The following FLNB variants were observed in gnomAD, a reference collection of about 807,000 sequenced individuals.
The protein encoded by FLNB is filamin B.
A neutral mutation model predicts 250.6 loss-of-function variants in FLNB; 111 were observed. The ratio of observed to expected loss-of-function variants is 0.44; its 90% CI spans 0.38 to 0.52. FLNB has a LOEUF of 0.52. FLNB is among the 20% of genes least tolerant of loss of function. The pLI is 0.00. For synonymous variants in FLNB, 1,302 were observed against 1,372.1 expected (o/e 0.95, Z 1.13); for missense variants, 2,869 against 3,447.8 (o/e 0.83, Z 4.20).
At chr3:58,121,049 A>G (rs940243315) in intron 19 of FLNB, among the ~76,000 whole-genome samples, 192 bp from the exon 20 acceptor site, 2 of 152,202 alleles carry the variant, frequency 1.3e-5, no homozygotes, top group Non-Finnish European at 2.9e-5. Flanking sequence ...TTGTGCCGAC[A>G]CTTGTTGTTA....
intron 29 of FLNB, among the ~76,000 whole-genome samples, chr3:58,140,368 G>C (rs1374117359): frequency 6.6e-6 from 1 of 152,192 alleles, no homozygotes; most frequent in Non-Finnish European, 1.5e-5. Flanking sequence ...TCTTCCTTCT[G>C]ACTGATATGT....
At chr3:58,130,956 G>A (rs1196818281) in intron 25 of FLNB, 48 bp downstream of exon 25, 6 of 1,573,472 alleles carry the variant, frequency 3.8e-6, no homozygotes, top group Non-Finnish European at 5.2e-6. Context: ...GCCCCAGGCA[G>A]GGGCAGCTGT....
At chr3:58,148,160 G>C (rs893093667) in intron 34 of FLNB, 46 bp from the exon 35 acceptor site, 2 of 1,606,040 alleles carry the variant, frequency 1.2e-6, no homozygotes, top group African/African-American at 1.3e-5. Flanking sequence ...TGTGAAGCCA[G>C]GGTAACCACA....
chr3:58,162,887 A>G (rs943577253), intron 42 of FLNB: 29 of 461,496 alleles, frequency 6.3e-5, no homozygotes, highest in African/African-American at 5.3e-4. Flanking sequence ...GGTTTTCTAA[A>G]GAAAGGAAGT....
At chr3:58,086,760 G>C in intron 4 of FLNB, among the ~76,000 whole-genome samples, 1 of 152,138 alleles carries the variant, frequency 6.6e-6, no homozygotes, top group Non-Finnish European at 1.5e-5. Flanking sequence ...AGACTTAAGA[G>C]ACTTAGCAAC....
At chr3:58,057,312 A>C (rs2106867011) in intron 1 of FLNB, among the ~76,000 whole-genome samples, 1 of 152,330 alleles carries the variant, frequency 6.6e-6, no homozygotes, top group South Asian at 2.1e-4. Flanking sequence ...GTTAGTAATT[A>C]GTGAAGATGA....
Position 58,142,858 on chromosome 3 carries a change from AC to A in FLNB, c.5284+109del. ...CTGTCCCCCAGACCCAGGCTCCTTA[AC>A]CCAGGGTCACGAGTTCTTGGTCTCC... On this transcript the variant is annotated intron_variant, in intron 31 of 45. Transcript: ENST00000295956. This position sits in a 1 kb window ranked among gnomAD's most constrained non-coding sequence, Gnocchi z 4.3. 1.1e-6 allele frequency: 1 copy of A among 941,970 alleles called. No individual in the cohort carries two copies. The highest frequency in any genetic ancestry group is 1.6e-5 in the African/African-American group (1 of 62,134). The allele number at this position is 941,970 out of a possible 1,614,324, so 58.4% of individuals were successfully genotyped here.
chr3:58,118,751 A>G, intron 18 of FLNB, 121 bp from the exon 19 acceptor site: 1 of 794,700 alleles, frequency 1.3e-6, no homozygotes, highest in Middle Eastern at 2.3e-4. Flanking sequence ...GATACTTTCT[A>G]CATTGATTGG....
At chr3:58,034,632 A>G (rs1319691841) in intron 1 of FLNB, among the ~76,000 whole-genome samples, 3 of 152,202 alleles carry the variant, frequency 2.0e-5, no homozygotes, top group Non-Finnish European at 4.4e-5. Context: ...AAATGTATCC[A>G]TTAGGATGTA....
chr3:58,078,656 G>A, intron 2 of FLNB, 61 bp from the exon 3 acceptor site: 2 of 1,541,496 alleles, frequency 1.3e-6, no homozygotes, highest in South Asian at 2.3e-5. Flanking sequence ...TTAGGCACAT[G>A]GTTTCCTTTA....
intron 26 of FLNB, among the ~76,000 whole-genome samples, chr3:58,133,603 T>C (rs2097311516): frequency 1.3e-5 from 2 of 152,088 alleles, no homozygotes; most frequent in South Asian, 2.1e-4. Flanking sequence ...GTTTGCTTGA[T>C]AAAAGCATTT....
chr3:58,122,168 CAAAAAA>C (rs546747097), intron 20 of FLNB, among the ~76,000 whole-genome samples: 1 of 65,878 alleles, frequency 1.5e-5, no homozygotes, highest in African/African-American at 5.5e-5. Flanking sequence ...GACTCCGTCT[CAAAAAA>C]AAAAAAAAAA....
chr3:58,057,030 C>A (rs1400970217), intron 1 of FLNB, among the ~76,000 whole-genome samples: 1 of 151,298 alleles, frequency 6.6e-6, no homozygotes, highest in Non-Finnish European at 1.5e-5. Flanking sequence ...CCCAGGCTGG[C>A]GTGCAGTGGC....
At chr3:58,048,432 C>G (rs923636541) in intron 1 of FLNB, among the ~76,000 whole-genome samples, 27 of 152,284 alleles carry the variant, frequency 1.8e-4, no homozygotes, top group African/African-American at 6.0e-4. Flanking sequence ...GTAGAATGTT[C>G]CACATTCTAG....
chr3:58,148,328 C>T lies in FLNB; in HGVS notation c.5851C>T (p.Pro1951Ser). The change falls in exon 35 of 46, where the codon CCC (proline) becomes TCC (serine). Residue 1951 changes from proline to serine, a missense_variant. By Grantham distance (74) the Pro-to-Ser change is moderately conservative (BLOSUM62 -1). Around this residue, in one of 5 missense-constraint regions of FLNB, gnomAD observed 1,084 missense variants for 1,315.5 expected, o/e 0.82. Coordinates refer to ENST00000295956, the MANE Select transcript of FLNB (RefSeq NM_001457.4). Reference protein sequence around the residue: ...SIKAPSGRDEPCLLKRLPNNH... With the variant: ...SIKAPSGRDESCLLKRLPNNH... ...TAAGGCCCCATCTGGCCGAGACGAGCCCTGTCTCCTGAAGAGGCTGCCCAA... is the reference window on the plus strand; with the variant it reads ...TAAGGCCCCATCTGGCCGAGACGAGTCCTGTCTCCTGAAGAGGCTGCCCAA... 1 of 1,613,964 alleles carries T rather than the reference C, an allele frequency of 6.2e-7. No individual in the cohort carries two copies. Among genetic ancestry groups the T allele is most frequent in the Non-Finnish European group, 8.5e-7 (1 of 1,179,966 alleles).
At chr3:58,013,071 T>A (rs1437652183) in intron 1 of FLNB, among the ~76,000 whole-genome samples, 2 of 152,238 alleles carry the variant, frequency 1.3e-5, no homozygotes, top group Admixed American at 1.3e-4. Flanking sequence ...GAGGACTCAG[T>A]GTCTTTAATT....
chr3:58,124,631 A>G, intron 22 of FLNB, 126 bp downstream of exon 22: 1 of 1,027,166 alleles, frequency 9.7e-7, no homozygotes, highest in Non-Finnish European at 1.5e-6. Context: ...GTGCAGAGTG[A>G]CAGAGTGGAA....
At position 58,169,612 on chromosome 3, in the gene FLNB, C is replaced by G; in HGVS notation, c.7440C>G (p.Gly2480=). The G allele has an allele frequency of 6.2e-7, 1 of 1,614,136 alleles. No homozygotes were observed. Among genetic ancestry groups the G allele is most frequent in the East Asian group, 2.2e-5 (1 of 44,886 alleles). Reference sequence around the variant, plus strand: ...TAGGCCAGCGTCTAGTTAGCCCTGGCTCAGCCAACGAGACCTCATCCATCC... The same window carrying G: ...TAGGCCAGCGTCTAGTTAGCCCTGGGTCAGCCAACGAGACCTCATCCATCC... ...KVTGQRLVSP[G]SANETSSILV... Residue 2480 remains glycine (G), a synonymous_variant, in exon 45 of 46, where the codon GGC becomes GGG. Coordinates refer to ENST00000295956, the MANE Select transcript of FLNB (RefSeq NM_001457.4). This position sits in a 1 kb window ranked among gnomAD's most constrained non-coding sequence, Gnocchi z 4.8.
At chr3:58,070,738 C>A (rs1286881604) in intron 1 of FLNB, among the ~76,000 whole-genome samples, 1 of 150,602 alleles carries the variant, frequency 6.6e-6, no homozygotes, top group Admixed American at 6.6e-5. Context: ...TGGCTCACTG[C>A]AACCTCTGCC....
Sources: allele counts gnomAD v4.1 joint callset (sites outside exome capture counted in the v4.1 genomes callset), GRCh38; gene constraint gnomAD v4.1.1; regional missense constraint gnomAD v4.1.1; non-coding constraint Gnocchi (gnomAD v3.1); transcripts MANE v1.5; gene names NCBI Gene and HGNC (gene_info 2026-07-23, HGNC 2026-07-21).